Variants in CNBD2 observed in about 807,000 individuals in gnomAD.
CNBD2 encodes the protein cyclic nucleotide binding domain containing 2.
In CNBD2, 64 loss-of-function variants were observed where a neutral mutation model predicts 63.7. That is an observed-to-expected ratio of 1.00 (90% CI 0.82 to 1.24). CNBD2 has a LOEUF of 1.24. Among genes scored for constraint, CNBD2 ranks in the 50% most tolerant of loss-of-function variants. The pLI is 0.00. For missense variants in CNBD2, 691 were observed against 713.5 expected, an observed-to-expected ratio of 0.97 and a Z score of 0.36; for synonymous variants, 229 against 255.4, an observed-to-expected ratio of 0.90 and a Z score of 0.99.
intron 11 of CNBD2, 119 bp downstream of exon 11, chr20:36,023,890 G>A: frequency 1.2e-6 from 1 of 823,202 alleles, no homozygotes; most frequent in Non-Finnish European, 1.9e-6. Context: ...AATGAAACTG[G>A]GAGTTGTTGG....
intron 7 of CNBD2, among the ~76,000 whole-genome samples, 162 bp downstream of exon 7, chr20:35,987,695 A>G (rs1028500652): frequency 2.0e-5 from 3 of 152,164 alleles, no homozygotes; most frequent in Non-Finnish European, 4.4e-5. Context: ...CCTGCCTCTC[A>G]CAGAGCATGG....
downstream of CNBD2, among the ~76,000 whole-genome samples, chr20:35,959,830 A>C (rs1252047117): frequency 2.0e-5 from 3 of 152,364 alleles, no homozygotes; most frequent in African/African-American, 7.2e-5. Flanking sequence ...TAACATAGAC[A>C]GTAGGAACCA....
At chr20:36,005,459 C>T (rs893302380) in intron 8 of CNBD2, among the ~76,000 whole-genome samples, 16 of 152,152 alleles carry the variant, frequency 1.1e-4, no homozygotes, top group Non-Finnish European at 8.8e-5. Flanking sequence ...CCTAACAGGC[C>T]ACGGACCTGT....
At chr20:36,005,507 A>T (rs1475706925) in intron 8 of CNBD2, among the ~76,000 whole-genome samples, 2 of 152,206 alleles carry the variant, frequency 1.3e-5, no homozygotes, top group African/African-American at 4.8e-5. Context: ...CCCCTGAAAT[A>T]GTTAATCCAG....
upstream of CNBD2, among the ~76,000 whole-genome samples, chr20:35,964,781 C>A (rs1371299288): frequency 2.6e-4 from 40 of 151,986 alleles, no homozygotes; most frequent in Admixed American, 2.5e-3. Flanking sequence ...CGACTCACTG[C>A]AACCTCTGCC....
intron 8 of CNBD2, among the ~76,000 whole-genome samples, chr20:35,998,472 G>C (rs2056855504): frequency 6.6e-6 from 1 of 152,196 alleles, no homozygotes; most frequent in African/African-American, 2.4e-5. Flanking sequence ...AAAACTTGCT[G>C]TTTTGGGGTG....
At chr20:35,973,190 T>G (rs2056447358) in intron 2 of CNBD2, 1 of 226,204 alleles carries the variant, frequency 4.4e-6, no homozygotes, top group Non-Finnish European at 8.5e-6. Context: ...GCCAGTAGTG[T>G]TCTACTAATA....
chr20:35,957,695 A>G (rs1438168652), downstream of CNBD2: 1 of 152,204 alleles, frequency 6.6e-6, no homozygotes, highest in African/African-American at 2.4e-5. Flanking sequence ...ATATACATTT[A>G]TATTTCATTC....
rs11471733 is a variant in CNBD2, at chr20:36,012,477, C to CAAAA, written c.1269+1230_1269+1233dup. ...GGGTGACAAGAGCGAAACTCCATCT[C>CAAAA]AAAAAAAAAAAAATTAATAACAAAT... On this transcript the variant is annotated intron_variant, in intron 10 of 11. Coordinates refer to ENST00000373973, the MANE Select transcript of CNBD2 (RefSeq NM_001365709.1). Among the ~76,000 whole-genome samples the CAAAA allele has an allele frequency of 5.3e-4, 74 of 140,040 alleles. 1 individual carries two copies. Among genetic ancestry groups the CAAAA allele is most frequent in the East Asian group, 3.7e-3 (18 of 4,814 alleles). The allele number at this position is 140,040 out of a possible 152,430, so 91.9% of individuals were successfully genotyped here. A position where few individuals can be genotyped will look rare whatever the true frequency, so the allele number is the denominator to read the frequency against.
chr20:36,023,539 A>G, intron 10 of CNBD2, 63 bp from the exon 11 acceptor site: 1 of 1,353,450 alleles, frequency 7.4e-7, no homozygotes, highest in African/African-American at 1.5e-5. Flanking sequence ...AAAAAAAAGA[A>G]TGAAAATCTG....
In CNBD2 at chr20:36,011,212, G is replaced by T. The variant is rs529410237; in HGVS notation, c.1224G>T (p.Val408=). 1 of 1,595,372 alleles carries T rather than the reference G, an allele frequency of 6.3e-7. No homozygotes were observed. Among genetic ancestry groups the T allele is most frequent in the Non-Finnish European group, 8.5e-7 (1 of 1,169,982 alleles). ...KPGELPKEAA[V]GAYVKVHTVE... ...GTGAGCTCCCCAAGGAGGCTGCAGT[G>T]GGGGCCTACGTGAAGGTGCACACTG... Residue 408 remains valine (V), a synonymous_variant, in exon 10 of 12, where the codon GTG becomes GTT. Coordinates refer to ENST00000373973, the MANE Select transcript of CNBD2 (RefSeq NM_001365709.1).
At chr20:35,964,726 C>T (rs552269968), upstream of CNBD2, among the ~76,000 whole-genome samples, 2 of 149,850 alleles carry the variant, frequency 1.3e-5, no homozygotes, top group South Asian at 2.1e-4. Flanking sequence ...TTTTAAGAGA[C>T]GGAGTCTCAC....
chr20:35,957,312 C>T (rs1423762091), downstream of CNBD2, among the ~76,000 whole-genome samples: 7 of 152,168 alleles, frequency 4.6e-5, no homozygotes, highest in East Asian at 1.9e-4. Flanking sequence ...GTTGGCCGGG[C>T]GCGGTGGCTC....
At chr20:36,006,947 TG>T (rs1568908244) in intron 8 of CNBD2, among the ~76,000 whole-genome samples, 3 of 152,056 alleles carry the variant, frequency 2.0e-5, no homozygotes, top group Non-Finnish European at 4.4e-5. Flanking sequence ...CCTAGCACTC[TG>T]GGAGGCCGAG....
intron 6 of CNBD2, among the ~76,000 whole-genome samples, chr20:35,986,482 C>A (rs1346826911): frequency 6.6e-6 from 1 of 152,124 alleles, no homozygotes; most frequent in Non-Finnish European, 1.5e-5. Flanking sequence ...CTCCCAAGGT[C>A]ATGGTGAGGA....
chr20:35,995,231 G>C, intron 8 of CNBD2, 79 bp downstream of exon 8: 1 of 962,136 alleles, frequency 1.0e-6, no homozygotes, highest in Non-Finnish European at 1.6e-6. Context: ...TAGAGCCTTA[G>C]AAATCTAGTC....
chr20:36,002,561 G>C (rs1440603287), intron 8 of CNBD2, among the ~76,000 whole-genome samples: 4 of 152,164 alleles, frequency 2.6e-5, no homozygotes, highest in Admixed American at 6.5e-5. Context: ...AAAGTGCTGG[G>C]ATTACAGGCA....
At chr20:35,995,363 G>C (rs535913021) in intron 8 of CNBD2, among the ~76,000 whole-genome samples, 283 of 151,850 alleles carry the variant, frequency 1.9e-3, no homozygotes, top group African/African-American at 6.3e-3. Flanking sequence ...TTGCTGTTTA[G>C]GTTCTCCCAC....
At chr20:36,009,700 C>T (rs1264642656) in intron 9 of CNBD2, among the ~76,000 whole-genome samples, 10 of 151,938 alleles carry the variant, frequency 6.6e-5, no homozygotes, top group East Asian at 2.0e-4. Flanking sequence ...GGTGTGGTGG[C>T]GGATGCCTGT....
Sources: gnomAD v4.1 joint callset for allele counts (sites outside exome capture counted in the v4.1 genomes callset) on GRCh38, gnomAD v4.1.1 for gene constraint, MANE v1.5 for transcripts, NCBI Gene and HGNC (gene_info 2026-07-23, HGNC 2026-07-21) for gene names.